CLUL1: variants seen among roughly 807,000 people sequenced by gnomAD.
CLUL1 encodes the protein clusterin-like protein 1.
A neutral mutation model predicts 49.4 loss-of-function variants in CLUL1; 43 were observed. The observed-to-expected ratio is 0.87, with a 90% CI of 0.68 to 1.12. The LOEUF (loss-of-function observed/expected upper bound fraction) is 1.12. Ranked by LOEUF, CLUL1 falls within the 50% of genes most tolerant of loss-of-function variation. The pLI, the probability that CLUL1 is intolerant of heterozygous loss-of-function variation, is 0.00. For synonymous variants in CLUL1, 192 were observed against 184.9 expected (o/e 1.04, Z -0.31); for missense variants, 486 against 544.4 (o/e 0.89, Z 1.07).
Position 644,984 on chromosome 18 carries a change from T to C in CLUL1, c.1284T>C (p.Pro428=), listed in dbSNP as rs1394124917. Residue 428 remains proline (P), a synonymous_variant, in exon 9 of 10, where the codon CCT becomes CCC. Transcript: ENST00000692774. ...TGATGACAGACTTAAGCATTCTGCC[T>C]TCCTCTAATTTCACACTCAAGATCC... is the stretch of plus-strand genomic sequence containing the variant. The part of the protein sequence containing the change: ...ETMMTDLSIL[P]SSNFTLKIPL... 1 of 1,613,842 alleles carries C rather than the reference T, an allele frequency of 6.2e-7. No homozygotes were observed. The highest frequency in any genetic ancestry group is 1.1e-5 in the South Asian group (1 of 90,992).
At chr18:626,899 G>A (rs1166306261) in intron 5 of CLUL1, among the ~76,000 whole-genome samples, 198 bp from the exon 6 acceptor site, 1 of 514 alleles carries the variant, frequency 1.9e-3, no homozygotes. Flanking sequence ...AAGAAAGAAA[G>A]AAAGAAAGAA....
At chr18:614,708 G>A (rs530135) in intron 2 of CLUL1, 54,887 of 152,106 alleles carry the variant, frequency 0.36, 10,450 homozygotes, top group East Asian at 0.59. Flanking sequence ...TACTGGTGCA[G>A]GACAGCAAAT....
intron 1 of CLUL1, chr18:598,417 C>T (rs2143902339): frequency 2.5e-6 from 1 of 396,460 alleles, no homozygotes; most frequent in East Asian, 3.6e-5. Context: ...AATTTAGACG[C>T]TTTGTGAGTC....
chr18:637,975 A>C (rs985322196), intron 7 of CLUL1, among the ~76,000 whole-genome samples: 1 of 151,894 alleles, frequency 6.6e-6, no homozygotes, highest in Non-Finnish European at 1.5e-5. Context: ...TTGAAAAAAT[A>C]ATAATAATAA....
chr18:617,458 G>GT (rs1387100216), intron 2 of CLUL1, among the ~76,000 whole-genome samples: 1 of 151,980 alleles, frequency 6.6e-6, no homozygotes, highest in African/African-American at 2.4e-5. Flanking sequence ...ACCGGGCTTG[G>GT]TGGCGCATGC....
intron 7 of CLUL1, among the ~76,000 whole-genome samples, 177 bp downstream of exon 7, chr18:633,612 G>C (rs959039512): frequency 6.6e-6 from 1 of 152,186 alleles, no homozygotes; most frequent in African/African-American, 2.4e-5. Flanking sequence ...AATGGTGAGC[G>C]TGCACTTGCC....
At chr18:643,548 A>G (rs1286689312) in intron 8 of CLUL1, among the ~76,000 whole-genome samples, 1 of 152,190 alleles carries the variant, frequency 6.6e-6, no homozygotes, top group Non-Finnish European at 1.5e-5. Flanking sequence ...AGTTGTTTTT[A>G]CCATTGTCAG....
rs1214926557 is a variant in CLUL1, at chr18:618,085, G to T, written c.85G>T (p.Ala29Ser). 1.9e-6 allele frequency: 3 copies of T among 1,613,714 alleles called. No homozygotes were observed. The highest frequency in any genetic ancestry group is 8.5e-7 in the Non-Finnish European group (1 of 1,179,622). The change falls in exon 3 of 10, where the codon GCT becomes TCT. Residue 29 changes from alanine to serine, a missense_variant. Transcript: ENST00000692774. This position sits in a 1 kb window ranked among gnomAD's most constrained non-coding sequence, Gnocchi z 4.2. Reference sequence around the variant, plus strand: ...CGCACCCACTTGGAAGGACAAAACTGCTATCAGTGAAAACCTGAAGAGTAC... The same window carrying T: ...CGCACCCACTTGGAAGGACAAAACTTCTATCAGTGAAAACCTGAAGAGTAC... ...HCAPTWKDKT[A>S]ISENLKSFSE...
Position 619,358 on chromosome 18 carries a change from G to A in CLUL1, c.252G>A (p.Lys84=). 1 of 1,611,534 alleles carries A rather than the reference G, an allele frequency of 6.2e-7. No individual in the cohort carries two copies. The highest frequency in any genetic ancestry group is 8.5e-7 in the Non-Finnish European group (1 of 1,179,110). ...CCCTGAAGAAATGCAGAGAAGAAAAGCAGGTACAGTCATTGAAAATAATGT... is the reference window on the plus strand; with the variant it reads ...CCCTGAAGAAATGCAGAGAAGAAAAACAGGTACAGTCATTGAAAATAATGT... ...MSTLKKCREE[K]QEALKLLNEV... is the part of the protein sequence containing the mutation. Residue 84 remains lysine (K), a synonymous_variant, in exon 4 of 10, where the codon AAG becomes AAA. Transcript: ENST00000692774.
chr18:601,741 G>A (rs2072837053), intron 1 of CLUL1, among the ~76,000 whole-genome samples: 1 of 151,876 alleles, frequency 6.6e-6, no homozygotes, highest in Non-Finnish European at 1.5e-5. Flanking sequence ...CCCAGGAGAC[G>A]GAGGTTGCAG....
At chr18:626,880 A>G (rs952545754) in intron 5 of CLUL1, among the ~76,000 whole-genome samples, 1 of 200 alleles carries the variant, frequency 5.0e-3, no homozygotes, top group Admixed American at 0.1. Flanking sequence ...AGAAAGAAAG[A>G]AAGAAAGAAA....
At chr18:625,366 A>C (rs2073652319) in intron 5 of CLUL1, among the ~76,000 whole-genome samples, 15 of 152,130 alleles carry the variant, frequency 9.9e-5, no homozygotes, top group Admixed American at 9.8e-4. Flanking sequence ...CATTGGTGGC[A>C]TCCAGTAAAT....
intron 2 of CLUL1, among the ~76,000 whole-genome samples, chr18:607,569 G>A (rs533320582): frequency 6.6e-6 from 1 of 152,240 alleles, no homozygotes; most frequent in Admixed American, 6.5e-5. Context: ...TGGTACTACA[G>A]GTGCATGCCA....
At chr18:632,311 C>T (rs1050870001) in intron 6 of CLUL1, among the ~76,000 whole-genome samples, 2 of 147,474 alleles carry the variant, frequency 1.4e-5, no homozygotes, top group African/African-American at 2.6e-5. Flanking sequence ...CACACATACT[C>T]GCACACATAT....
intron 2 of CLUL1, among the ~76,000 whole-genome samples, chr18:614,201 AT>A (rs2073223754): frequency 6.6e-6 from 1 of 152,060 alleles, no homozygotes; most frequent in Non-Finnish European, 1.5e-5. Flanking sequence ...TTAATTGAGG[AT>A]TTACACTCTG....
intron 2 of CLUL1, among the ~76,000 whole-genome samples, chr18:617,332 C>A (rs1316998253): frequency 6.6e-6 from 1 of 152,074 alleles, no homozygotes; most frequent in Non-Finnish European, 1.5e-5. Context: ...TGGTGGCTCA[C>A]GCCTGTAATC....
At position 627,346 on chromosome 18, in the gene CLUL1, G is replaced by A. The variant is rs1392974454; in HGVS notation, c.673G>A (p.Glu225Lys). The A allele has an allele frequency of 7.4e-6, 12 of 1,613,986 alleles. No individual in the cohort carries two copies. The highest frequency in any genetic ancestry group is 9.3e-6 in the Non-Finnish European group (11 of 1,180,012). ...SHFISDTDLT[E>K]PYFFPAFSKE... ...TTTCATATCAGATACAGACCTAACT[G>A]AGCCTTACTTTTTTCCAGCTTTCTC... The change falls in exon 6 of 10, where the codon GAG becomes AAG. Residue 225 changes from glutamate to lysine, a missense_variant. Glu to Lys is a moderately conservative substitution (Grantham distance 56, BLOSUM62 1). Coordinates refer to ENST00000692774, the MANE Select transcript of CLUL1 (RefSeq NM_001393344.1).
intron 1 of CLUL1, chr18:598,624 CA>C: frequency 2.5e-6 from 1 of 398,388 alleles, no homozygotes; most frequent in East Asian, 3.6e-5. Flanking sequence ...GTGTCACAAC[CA>C]AAAAAGTGGC....
intron 2 of CLUL1, among the ~76,000 whole-genome samples, chr18:615,327 G>T (rs1000613219): frequency 1.3e-5 from 2 of 152,176 alleles, no homozygotes; most frequent in African/African-American, 4.8e-5. Context: ...TCTGTTCTGA[G>T]AAATTGCTCT....
Sources: gnomAD v4.1 joint callset for allele counts (sites outside exome capture counted in the v4.1 genomes callset) on GRCh38, gnomAD v4.1.1 for gene constraint, Gnocchi (gnomAD v3.1) non-coding constraint, MANE v1.5 for transcripts, NCBI Gene and HGNC (gene_info 2026-07-23, HGNC 2026-07-21) for gene names.